Variants in PMFBP1 observed in about 807,000 individuals in gnomAD.
The protein encoded by PMFBP1 is polyamine modulated factor 1 binding protein 1.
Under a neutral mutation model 137.8 loss-of-function variants are expected in PMFBP1, and 131 were observed. The ratio of observed to expected loss-of-function variants is 0.95; its 90% CI spans 0.82 to 1.10. The LOEUF (loss-of-function observed/expected upper bound fraction) is 1.10, where lower values mean the gene tolerates loss of function less well. Ranked by LOEUF, PMFBP1 falls within the 50% of genes least tolerant of loss-of-function variation. The pLI, the probability that PMFBP1 is intolerant of heterozygous loss-of-function variation, is 0.00. For missense variants in PMFBP1, 1,199 were observed against 1,175.4 expected (o/e 1.02, Z -0.29); for synonymous variants, 490 against 450.4 (o/e 1.09, Z -1.11).
the PMFBP1 span, among the ~76,000 whole-genome samples, chr16:72,233,538 C>A: frequency 1.3e-5 from 2 of 152,116 alleles, no homozygotes; most frequent in Admixed American, 1.3e-4. Flanking sequence ...TATTGTCCTT[C>A]ATTATTTCTG....
rs2042936345 is a variant in PMFBP1, at chr16:72,153,651, G to A, written c.414+560C>T. Among the ~76,000 whole-genome samples the A allele has an allele frequency of 3.3e-5, 5 of 150,950 alleles. No homozygotes were observed. In the South Asian group the frequency reaches 8.4e-4, roughly 25 times the overall value. ...AAATACCACCCTGGAACATGAATGG[G>A]AATTAATGTCCTGAATATACCTAAG... On this transcript the variant is annotated intron_variant, in intron 4 of 20. Transcript: ENST00000237353.
intron 13 of PMFBP1, 59 bp downstream of exon 13, chr16:72,129,007 G>C (rs1322196805): frequency 2.5e-5 from 39 of 1,575,458 alleles, no homozygotes; most frequent in Non-Finnish European, 3.3e-5. Context: ...GGAGGCCCAG[G>C]TGGGGTCATG....
At chr16:72,247,632 C>A in the PMFBP1 span, among the ~76,000 whole-genome samples, 1 of 152,132 alleles carries the variant, frequency 6.6e-6, no homozygotes, top group East Asian at 1.9e-4. Context: ...TGGACAATCA[C>A]AAATCAGGAT....
At chr16:72,131,273 G>A (rs1243206180) in intron 10 of PMFBP1, among the ~76,000 whole-genome samples, 1 of 152,178 alleles carries the variant, frequency 6.6e-6, no homozygotes, top group Non-Finnish European at 1.5e-5. Context: ...AGTTTGACTG[G>A]AAAGGGAAGT....
chr16:72,200,548 C>T, the PMFBP1 span, among the ~76,000 whole-genome samples: 1 of 152,166 alleles, frequency 6.6e-6, no homozygotes, highest in African/African-American at 2.4e-5. Context: ...TCATAGCCTC[C>T]TACAGAGGAA....
upstream of PMFBP1, among the ~76,000 whole-genome samples, chr16:72,176,469 A>G (rs2043259860): frequency 6.6e-6 from 1 of 152,208 alleles, no homozygotes; most frequent in African/African-American, 2.4e-5. Context: ...GCAGCTAGGT[A>G]TGATTATGTG....
At chr16:72,225,750 T>C in the PMFBP1 span, among the ~76,000 whole-genome samples, 6 of 146,698 alleles carry the variant, frequency 4.1e-5, no homozygotes, top group African/African-American at 1.5e-4. Context: ...ATAATAATAA[T>C]AAAGCCTCAC....
At chr16:72,204,457 C>A in the PMFBP1 span, among the ~76,000 whole-genome samples, 30 of 152,276 alleles carry the variant, frequency 2.0e-4, no homozygotes, top group South Asian at 6.0e-3. Flanking sequence ...CCTGCGTTGG[C>A]CTCCCAAAGT....
chr16:72,130,085 G>T, intron 12 of PMFBP1, 128 bp downstream of exon 12: 2 of 1,261,380 alleles, frequency 1.6e-6, no homozygotes, highest in Non-Finnish European at 1.1e-6. Flanking sequence ...GAACCCCTGG[G>T]CTCAAGTGAT....
the PMFBP1 span, among the ~76,000 whole-genome samples, chr16:72,193,892 C>T: frequency 6.6e-6 from 1 of 151,882 alleles, no homozygotes; most frequent in African/African-American, 2.4e-5. Flanking sequence ...TTCCACAGGG[C>T]GGGTTAATAT....
the PMFBP1 span, among the ~76,000 whole-genome samples, chr16:72,182,667 T>G: frequency 2.0e-5 from 3 of 152,202 alleles, no homozygotes; most frequent in Admixed American, 2.0e-4. Context: ...AAATGTACGA[T>G]GAGAAGTGTA....
At chr16:72,171,057 T>C in intron 2 of PMFBP1, 140 bp downstream of exon 2, 1 of 978,024 alleles carries the variant, frequency 1.0e-6, no homozygotes. Flanking sequence ...TCTGGGCTCT[T>C]AAACACGATG....
the PMFBP1 span, among the ~76,000 whole-genome samples, chr16:72,228,274 G>A: frequency 6.6e-6 from 1 of 152,164 alleles, no homozygotes; most frequent in Non-Finnish European, 1.5e-5. Context: ...GGCCTACTGG[G>A]TGAAAGGAAG....
the PMFBP1 span, among the ~76,000 whole-genome samples, chr16:72,244,378 T>C: frequency 6.6e-6 from 1 of 152,310 alleles, no homozygotes; most frequent in Non-Finnish European, 1.5e-5. Flanking sequence ...GTAAGTGGGT[T>C]GTAAATGTGT....
At chr16:72,164,211 C>T (rs1197255504) in intron 3 of PMFBP1, among the ~76,000 whole-genome samples, 1 of 152,116 alleles carries the variant, frequency 6.6e-6, no homozygotes, top group African/African-American at 2.4e-5. Flanking sequence ...CTACCATCTC[C>T]CCATCTGACA....
At chr16:72,228,472 C>G in the PMFBP1 span, among the ~76,000 whole-genome samples, 2 of 152,184 alleles carry the variant, frequency 1.3e-5, no homozygotes, top group African/African-American at 2.4e-5. Context: ...CATCCCTGCT[C>G]CAGCCTGCTG....
the PMFBP1 span, among the ~76,000 whole-genome samples, chr16:72,228,996 T>C: frequency 2.6e-5 from 4 of 152,088 alleles, no homozygotes; most frequent in African/African-American, 9.7e-5. Context: ...ATGATCCTCA[T>C]TCTCTTCCCA....
At chr16:72,125,157 G>A (rs2042435552) in intron 16 of PMFBP1, 81 bp downstream of exon 16, 1 of 1,521,208 alleles carries the variant, frequency 6.6e-7, no homozygotes, top group Non-Finnish European at 8.9e-7. Flanking sequence ...GAATGACTTA[G>A]TGCTAAATAA....
In PMFBP1 at chr16:72,120,030, A is replaced by T; in HGVS notation, c.2828T>A (p.Ile943Lys). ...CTCGGCTTTCATCTTCTTCTCTTCT[A>T]TCTCCTTCTTCAGCTTCTTGTTTTC... ...QQENKKLKKE[I>K]EEKKMKAENT... is the part of the protein sequence containing the mutation. The change falls in exon 20 of 21, where the codon ATA becomes AAA. Residue 943 changes from isoleucine to lysine, a missense_variant. By Grantham distance (102) the Ile-to-Lys change is moderately radical. Coordinates refer to ENST00000237353, the MANE Select transcript of PMFBP1 (RefSeq NM_031293.3). 6.2e-7 allele frequency: 1 copy of T among 1,613,814 alleles called. No individual in the cohort carries two copies. Among genetic ancestry groups the T allele is most frequent in the Non-Finnish European group, 8.5e-7 (1 of 1,179,972 alleles).
Sources: allele counts gnomAD v4.1 joint callset (sites outside exome capture counted in the v4.1 genomes callset), GRCh38; gene constraint gnomAD v4.1.1; transcripts MANE v1.5; gene names NCBI Gene and HGNC (gene_info 2026-07-23, HGNC 2026-07-21).